Variants in ADD3 observed in about 807,000 individuals in gnomAD.
The protein encoded by ADD3 is adducin 3, also known as gamma-adducin.
In ADD3, 25 loss-of-function variants were observed where a neutral mutation model predicts 80.2. That is an observed-to-expected ratio of 0.31 (90% CI 0.23 to 0.44). The LOEUF is 0.44. Among genes scored for constraint, ADD3 ranks in the 20% least tolerant of loss-of-function variants. ADD3 has a pLI of 1.00. For synonymous variants in ADD3, 284 were observed against 289.6 expected, an observed-to-expected ratio of 0.98 and a Z score of 0.20; for missense variants, 829 against 847.5, an observed-to-expected ratio of 0.98 and a Z score of 0.27.
chr10:110,024,830 G>C (rs1300583049), intron 1 of ADD3, among the ~76,000 whole-genome samples: 1 of 151,800 alleles, frequency 6.6e-6, no homozygotes, highest in Non-Finnish European at 1.5e-5. Context: ...TTGAAATTTT[G>C]AGTAAGAAAT....
intron 1 of ADD3, among the ~76,000 whole-genome samples, chr10:110,021,105 G>C (rs1385077636): frequency 7.2e-5 from 11 of 152,124 alleles, no homozygotes; most frequent in Admixed American, 6.6e-4. Context: ...TCTAATATGG[G>C]TTTGAAGTAT....
chr10:110,060,786 G>A (rs967160205), intron 1 of ADD3, among the ~76,000 whole-genome samples: 18 of 152,130 alleles, frequency 1.2e-4, no homozygotes, highest in African/African-American at 4.1e-4. Flanking sequence ...CATTTGAAGT[G>A]GATGTTTCAT....
chr10:110,031,973 T>G (rs1855090768), intron 1 of ADD3, among the ~76,000 whole-genome samples: 1 of 152,098 alleles, frequency 6.6e-6, no homozygotes, highest in Admixed American at 6.5e-5. Context: ...TTAATCTTAT[T>G]GGCAGCCAGT....
At chr10:110,114,764 T>C (rs1305843455) in intron 3 of ADD3, among the ~76,000 whole-genome samples, 3 of 152,126 alleles carry the variant, frequency 2.0e-5, no homozygotes, top group African/African-American at 4.8e-5. Flanking sequence ...TTTCATGTTA[T>C]TGCGTTGTAG....
At position 110,134,546 on chromosome 10, in the gene ADD3, G is replaced by C. The variant is rs1186981999; in HGVS notation, c.*928G>C. The C allele has an allele frequency of 1.3e-5, 2 of 152,452 alleles. No homozygotes were observed. Among genetic ancestry groups the C allele is most frequent in the East Asian group, 3.9e-4 (2 of 5,188 alleles). The allele number at this position is 152,452 out of a possible 1,614,324, so 9.4% of individuals were successfully genotyped here. A position where few individuals can be genotyped will look rare whatever the true frequency, so the allele number is the denominator to read the frequency against. Reference sequence around the variant, plus strand: ...TAGATTCATATTTGAATCTTAAACTGTATTTTTCTCTTAGTATTGCTAATG... The same window carrying C: ...TAGATTCATATTTGAATCTTAAACTCTATTTTTCTCTTAGTATTGCTAATG... On this transcript the variant is annotated 3_prime_UTR_variant, in exon 15 of 15. Transcript: ENST00000356080.
At position 110,132,308 on chromosome 10, in the gene ADD3, C is replaced by G. The variant is rs113052722; in HGVS notation, c.1736C>G (p.Ala579Gly). 1,149 of 1,611,416 alleles carry G rather than the reference C, an allele frequency of 7.1e-4. 8 individuals are homozygous for G. The African/African-American group carries it at 0.014, about 19-fold the overall frequency. ...IERKQQGLED[A>G]EQELLSDDAS... is the part of the protein sequence containing the mutation. Reference sequence around the variant, plus strand: ...TAACTAAACTCTTATCCAACAGATGCTGAGCAGGAATTACTCTCAGATGAC... The same window carrying G: ...TAACTAAACTCTTATCCAACAGATGGTGAGCAGGAATTACTCTCAGATGAC... Residue 579 changes from alanine to glycine, a missense_variant, in exon 14 of 15, where the codon GCT becomes GGT. By Grantham distance (60) the Ala-to-Gly change is moderately conservative. Transcript: ENST00000356080.
At chr10:110,065,902 T>C (rs2133577800) in intron 1 of ADD3, among the ~76,000 whole-genome samples, 1 of 152,092 alleles carries the variant, frequency 6.6e-6, no homozygotes, top group South Asian at 2.1e-4. Context: ...TCTCGCTAGT[T>C]TTTTCAAGTA....
chr10:110,113,151 G>A (rs1222680526), intron 3 of ADD3, among the ~76,000 whole-genome samples: 1 of 152,192 alleles, frequency 6.6e-6, no homozygotes, highest in African/African-American at 2.4e-5. Flanking sequence ...TGTGGCATGT[G>A]TCAGTAGTCC....
chr10:110,121,271 G>A (rs1424269812), intron 8 of ADD3, among the ~76,000 whole-genome samples: 9 of 152,004 alleles, frequency 5.9e-5, no homozygotes. Flanking sequence ...ATCACCTGAG[G>A]TCAGGAGTTC....
chr10:110,070,956 T>A (rs1844608086), intron 1 of ADD3, among the ~76,000 whole-genome samples: 1 of 123,460 alleles, frequency 8.1e-6, no homozygotes, highest in Non-Finnish European at 1.7e-5. Context: ...TTTTTTTTTG[T>A]TTGTTTTTAG....
intron 1 of ADD3, among the ~76,000 whole-genome samples, chr10:110,020,328 G>A (rs77132050): frequency 1.7e-4 from 26 of 152,252 alleles, no homozygotes; most frequent in African/African-American, 5.1e-4. Flanking sequence ...TATGTGTTAC[G>A]TTAGTGATAA....
intron 1 of ADD3, among the ~76,000 whole-genome samples, chr10:110,082,874 T>C (rs1207228458): frequency 6.6e-6 from 1 of 152,206 alleles, no homozygotes; most frequent in Non-Finnish European, 1.5e-5. Flanking sequence ...CAGGTCACAA[T>C]ATTCATTACC....
intron 1 of ADD3, among the ~76,000 whole-genome samples, chr10:110,008,627 G>C (rs1338566440): frequency 6.6e-6 from 1 of 152,210 alleles, no homozygotes; most frequent in Non-Finnish European, 1.5e-5. Flanking sequence ...AAGGCGGGGA[G>C]TACCAAAATC....
chr10:110,119,720 T>C, intron 8 of ADD3, 156 bp downstream of exon 8: 1 of 607,748 alleles, frequency 1.6e-6, no homozygotes, highest in Non-Finnish European at 2.9e-6. Flanking sequence ...AACTCAGTTA[T>C]CTCTTGAATT....
intron 1 of ADD3, among the ~76,000 whole-genome samples, chr10:110,063,586 T>C (rs1043470954): frequency 6.6e-5 from 10 of 151,492 alleles, no homozygotes; most frequent in African/African-American, 1.2e-4. Context: ...CATCAAGTTA[T>C]AAATTCTTGC....
Position 110,125,915 on chromosome 10 carries a change from C to G in ADD3, c.1491C>G (p.Asn497Lys), listed in dbSNP as rs1325526643. ...DPNQFVPLNT[N>K]PNEVLEKRNK... ...ATCAGTTTGTTCCTTTAAACACAAA[C>G]CCGAATGAGGTACTAGAAAAGAGAA... is the stretch of plus-strand genomic sequence containing the variant. The change falls in exon 11 of 15, where the codon AAC becomes AAG. Residue 497 changes from asparagine to lysine, a missense_variant. Asn to Lys is a moderately conservative substitution (Grantham distance 94). Coordinates refer to ENST00000356080, the MANE Select transcript of ADD3 (RefSeq NM_016824.5). The G allele has an allele frequency of 6.2e-7, 1 of 1,607,826 alleles. No homozygotes were observed. The highest frequency in any genetic ancestry group is 8.5e-7 in the Non-Finnish European group (1 of 1,175,842).
chr10:110,080,368 C>G (rs1845931658), intron 1 of ADD3, among the ~76,000 whole-genome samples: 4 of 152,186 alleles, frequency 2.6e-5, no homozygotes. Context: ...TTGATTTAAA[C>G]TGGATAACCC....
intron 1 of ADD3, among the ~76,000 whole-genome samples, chr10:110,094,527 G>T (rs1847932482): frequency 6.6e-6 from 1 of 152,106 alleles, no homozygotes; most frequent in African/African-American, 2.4e-5. Context: ...AGTGCCATCT[G>T]TATTACTCAG....
intron 1 of ADD3, among the ~76,000 whole-genome samples, chr10:110,063,798 T>C (rs1843573764): frequency 8.2e-6 from 1 of 121,846 alleles, no homozygotes; most frequent in Non-Finnish European, 1.7e-5. Flanking sequence ...GAACACCGTG[T>C]GTAACCTACC....
Sources: allele counts gnomAD v4.1 joint callset (sites outside exome capture counted in the v4.1 genomes callset), GRCh38; gene constraint gnomAD v4.1.1; transcripts MANE v1.5; gene names NCBI Gene and HGNC (gene_info 2026-07-23, HGNC 2026-07-21).